Variants in FAM193A observed in about 807,000 individuals in gnomAD.
FAM193A encodes family with sequence similarity 193 member A.
FAM193A carries 22 observed loss-of-function variants against 126.5 expected under a neutral mutation model. The observed-to-expected ratio is 0.17, with a 90% CI of 0.12 to 0.25. The LOEUF (loss-of-function observed/expected upper bound fraction) is 0.25, where lower values mean the gene tolerates loss of function less well. Ranked by LOEUF, FAM193A falls within the 10% of genes least tolerant of loss-of-function variation. The probability of loss-of-function intolerance (pLI) is 1.00; values close to 1 mark genes in which losing one functional copy is unlikely to be tolerated. For missense variants in FAM193A, 1,675 were observed against 1,672.8 expected (o/e 1.00, Z -0.02); for synonymous variants, 761 against 646.8 (o/e 1.18, Z -2.68).
intron 18 of FAM193A, among the ~76,000 whole-genome samples, chr4:2,699,436 A>AGGCCCCCCCCCC (rs1717415798): frequency 1.6e-5 from 1 of 61,062 alleles, no homozygotes; most frequent in Non-Finnish European, 3.6e-5. Flanking sequence ...GTTAACTACC[A>AGGCCCCCCCCCC]CCCCCCCCCC....
At chr4:2,621,295 G>C (rs1269299069) in intron 2 of FAM193A, among the ~76,000 whole-genome samples, 2 of 152,308 alleles carry the variant, frequency 1.3e-5, no homozygotes, top group Non-Finnish European at 2.9e-5. Context: ...GTGTGGCGAA[G>C]AAGGGTGGAT....
intron 2 of FAM193A, among the ~76,000 whole-genome samples, chr4:2,608,566 T>A (rs1393967698): frequency 6.6e-6 from 1 of 152,080 alleles, no homozygotes; most frequent in African/African-American, 2.4e-5. Flanking sequence ...CATGGGCGGG[T>A]CAGCAATATG....
intron 18 of FAM193A, among the ~76,000 whole-genome samples, chr4:2,697,575 A>G (rs1717180747): frequency 6.6e-6 from 1 of 152,188 alleles, no homozygotes; most frequent in Non-Finnish European, 1.5e-5. Context: ...TGTCTGCAGC[A>G]TGGTCAGGCA....
At chr4:2,654,111 A>G (rs900891761) in intron 7 of FAM193A, among the ~76,000 whole-genome samples, 1 of 152,216 alleles carries the variant, frequency 6.6e-6, no homozygotes, top group African/African-American at 2.4e-5. Context: ...AATCAATAAC[A>G]TTTTAGAAAT....
intron 1 of FAM193A, among the ~76,000 whole-genome samples, chr4:2,577,035 G>A (rs1239682693): frequency 6.6e-6 from 1 of 152,148 alleles, no homozygotes; most frequent in African/African-American, 2.4e-5. Context: ...ACAGGTGTTC[G>A]TCTTCTCAAT....
At chr4:2,672,484 C>T in intron 13 of FAM193A, 112 bp downstream of exon 13, 1 of 1,173,904 alleles carries the variant, frequency 8.5e-7, no homozygotes, top group Non-Finnish European at 1.2e-6. Context: ...ATAGCATCTG[C>T]TCTGGATAGG....
intron 2 of FAM193A, among the ~76,000 whole-genome samples, chr4:2,601,228 T>TTC (rs1491449318): frequency 0.074 from 2,310 of 31,408 alleles, 39 homozygotes; most frequent in African/African-American, 0.17. Flanking sequence ...CTTCTTCTTC[T>TTC]TTTTTTTTTT....
In FAM193A at chr4:2,625,374, G is replaced by T. The variant is rs1186737627; in HGVS notation, c.614G>T (p.Cys205Phe). Residue 205 changes from cysteine to phenylalanine, a missense_variant, in exon 3 of 21, where the codon TGC becomes TTC. Cys to Phe is a radical substitution (Grantham distance 205). Transcript: ENST00000637812. ...QTLPSDTACSCEACSERREIS... is the reference protein window; with the variant it reads ...QTLPSDTACSFEACSERREIS... ...CTGCCTTCAGACACCGCATGCTCGT[G>T]CGAGGCCTGCAGTGAGCGCAGGTAT... The T allele has an allele frequency of 4.3e-6, 3 of 702,616 alleles. No individual in the cohort carries two copies. Among genetic ancestry groups the T allele is most frequent in the Non-Finnish European group, 7.8e-6 (3 of 384,810 alleles). 43.5% of individuals were successfully genotyped at this position (702,616 alleles called of 1,614,324 possible).
At chr4:2,539,054 C>T (rs1737064676) in intron 1 of FAM193A, among the ~76,000 whole-genome samples, 1 of 151,952 alleles carries the variant, frequency 6.6e-6, no homozygotes, top group Non-Finnish European at 1.5e-5. Context: ...CCATGCCTGG[C>T]TAATTTTTTT....
intron 2 of FAM193A, among the ~76,000 whole-genome samples, chr4:2,622,605 T>C (rs1355924023): frequency 8.5e-5 from 13 of 152,270 alleles, no homozygotes; most frequent in Admixed American, 7.2e-4. Flanking sequence ...GCTAAGCTGC[T>C]TGTAAACAGC....
intron 1 of FAM193A, among the ~76,000 whole-genome samples, chr4:2,586,388 A>T (rs1283326605): frequency 6.6e-6 from 1 of 152,102 alleles, no homozygotes; most frequent in Admixed American, 6.5e-5. Flanking sequence ...GTCTATAATT[A>T]AAGAATTGAT....
At chr4:2,589,218 AT>A (rs1387491402) in intron 1 of FAM193A, among the ~76,000 whole-genome samples, 3 of 152,260 alleles carry the variant, frequency 2.0e-5, no homozygotes, top group Non-Finnish European at 4.4e-5. Flanking sequence ...GGAGAAAAGC[AT>A]TTTATGTAAC....
intron 5 of FAM193A, among the ~76,000 whole-genome samples, chr4:2,635,002 G>A (rs1337480010): frequency 2.0e-5 from 3 of 152,050 alleles, no homozygotes; most frequent in Non-Finnish European, 4.4e-5. Context: ...CAGTATTTTA[G>A]TATGGGTCCC....
chr4:2,604,553 G>A (rs575146175), intron 2 of FAM193A, among the ~76,000 whole-genome samples: 11 of 152,084 alleles, frequency 7.2e-5, no homozygotes, highest in African/African-American at 2.7e-4. Context: ...AAGTCTTGGC[G>A]TATCATTCCT....
chr4:2,620,185 A>G (rs1002615082), intron 2 of FAM193A, among the ~76,000 whole-genome samples: 1 of 152,168 alleles, frequency 6.6e-6, no homozygotes, highest in Non-Finnish European at 1.5e-5. Flanking sequence ...GAGTGCTATA[A>G]TGGGACACAT....
At position 2,694,935 on chromosome 4, in the gene FAM193A, C is replaced by T. The variant is rs538250951; in HGVS notation, c.3093-11C>T. On this transcript the variant is annotated splice_polypyrimidine_tract_variant and intron_variant, in intron 16 of 20. Coordinates refer to ENST00000637812, the MANE Select transcript of FAM193A (RefSeq NM_001366318.2). ...GGCCACTTGCTGATGAGCTTGTATGCGGTTTTGCAGTGACCCTGACTGCGA... is the reference window on the plus strand; with the variant it reads ...GGCCACTTGCTGATGAGCTTGTATGTGGTTTTGCAGTGACCCTGACTGCGA... 1.9e-5 allele frequency: 30 copies of T among 1,576,800 alleles called. No individual in the cohort carries two copies. The highest frequency in any genetic ancestry group is 3.8e-5 in the Admixed American group (2 of 51,968).
At chr4:2,568,973 C>CTTTTTTTTTTTTTTTTTTTTTTTTTT (rs753557878) in intron 1 of FAM193A, among the ~76,000 whole-genome samples, 7 of 90,724 alleles carry the variant, frequency 7.7e-5, no homozygotes, top group Admixed American at 1.5e-4. Flanking sequence ...TGTTGTTTTG[C>CTTTTTTTTTTTTTTTTTTTTTTTTTT]TTTTTTTTTT....
At chr4:2,612,283 C>G (rs1048263300) in intron 2 of FAM193A, among the ~76,000 whole-genome samples, 11 of 151,766 alleles carry the variant, frequency 7.2e-5, no homozygotes, top group Non-Finnish European at 1.5e-4. Flanking sequence ...GGGTGGGTCA[C>G]GAGGTCAGGA....
At chr4:2,664,670 A>G (rs1712901413) in intron 12 of FAM193A, among the ~76,000 whole-genome samples, 1 of 145,084 alleles carries the variant, frequency 6.9e-6, no homozygotes, top group African/African-American at 2.6e-5. Context: ...GGGTTCAAGC[A>G]ATTCTGCCTC....
Sources: allele counts gnomAD v4.1 joint callset (sites outside exome capture counted in the v4.1 genomes callset), GRCh38; gene constraint gnomAD v4.1.1; transcripts MANE v1.5; gene names NCBI Gene and HGNC (gene_info 2026-07-23, HGNC 2026-07-21).